Variants in FBXL5 observed in about 807,000 individuals in gnomAD.
FBXL5 encodes the protein F-box and leucine rich repeat protein 5, also known as F-box/LRR-repeat protein 5.
Under a neutral mutation model 78.3 loss-of-function variants are expected in FBXL5, and 26 were observed. That is an observed-to-expected ratio of 0.33 (90% CI 0.24 to 0.46). The LOEUF (loss-of-function observed/expected upper bound fraction) is 0.46, where lower values mean the gene tolerates loss of function less well. Among genes scored for constraint, FBXL5 ranks in the 20% least tolerant of loss-of-function variants. FBXL5 has a pLI of 1.00. For missense variants in FBXL5, 710 were observed against 829.2 expected, an observed-to-expected ratio of 0.86 and a Z score of 1.77; for synonymous variants, 295 against 282.5, an observed-to-expected ratio of 1.04 and a Z score of -0.45.
rs116030864 is a variant in FBXL5 at position 15,676,317 on chromosome 4, A to C, written c.-284+5066T>G. 3.7e-3 allele frequency among the ~76,000 whole-genome samples: 559 copies of C among 152,302 alleles called. 6 individuals carry two copies. Among genetic ancestry groups the C allele is most frequent in the African/African-American group, 0.013 (541 of 41,548 alleles). ...AATCAAGCATCTAAATTTTACCATT[A>C]GTTTACAGAAAATAAACATGATAGA... On this transcript the variant is annotated intron_variant, in intron 1 of 4. Coordinates refer to the FBXL5 transcript ENST00000507899.
intron 10 of FBXL5, among the ~76,000 whole-genome samples, chr4:15,606,377 A>C (rs1721887905): frequency 6.6e-6 from 1 of 152,148 alleles, no homozygotes; most frequent in Non-Finnish European, 1.5e-5. Context: ...ATAATGAGTG[A>C]TCAATTAAAC....
Position 15,625,685 on chromosome 4 carries a change from T to C in FBXL5, c.1417A>G (p.Asn473Asp), listed in dbSNP as rs1259936276. The change falls in exon 9 of 11, where the codon AAT becomes GAT. Residue 473 changes from asparagine to aspartate, a missense_variant. Asn to Asp is a conservative substitution (Grantham distance 23, BLOSUM62 1). This residue lies in a region of FBXL5 where 517 missense variants were observed against 542.9 expected (regional missense o/e 0.95). Transcript: ENST00000341285. ...HPWTKPVSSE[N>D]FTSPYVWMLD... ...ATCCACACATAAGGAGAAGTGAAAT[T>C]CTCAGAAGAAACAGGCTTAGTCCAG... 1.9e-6 allele frequency: 3 copies of C among 1,614,090 alleles called. No individual in the cohort carries two copies. In the Admixed American group the frequency reaches 5.0e-5, roughly 27 times the overall value.
intron 9 of FBXL5, among the ~76,000 whole-genome samples, chr4:15,624,657 A>AC (rs1015901359): frequency 3.9e-5 from 6 of 152,090 alleles, no homozygotes; most frequent in Non-Finnish European, 7.4e-5. Context: ...TTAAAAAAAA[A>AC]AACAGAAAAG....
intron 9 of FBXL5, among the ~76,000 whole-genome samples, chr4:15,617,737 T>G (rs1712054961): frequency 6.6e-6 from 1 of 152,100 alleles, no homozygotes; most frequent in Non-Finnish European, 1.5e-5. Context: ...TGTTCTCACT[T>G]ATAAGTGGCA....
At position 15,619,939 on chromosome 4, in the gene FBXL5, C is replaced by G. The variant is rs557822180; in HGVS notation, c.1850+5313G>C. On this transcript the variant is annotated intron_variant, in intron 9 of 10. Coordinates refer to ENST00000341285, the MANE Select transcript of FBXL5 (RefSeq NM_012161.4). The stretch of plus-strand genomic sequence containing the variant: ...ACATAAACTCAGCAGGCCAAGTACA[C>G]ATGCCAATAGTCCCAGCTACTAGGG... Among the ~76,000 whole-genome samples, 36 of 152,252 alleles carry G rather than the reference C, an allele frequency of 2.4e-4. No individual in the cohort carries two copies. The South Asian group carries it at 7.3e-3, about 31-fold the overall frequency.
intron 6 of FBXL5, among the ~76,000 whole-genome samples, chr4:15,630,254 TAAGAC>T (rs1713486013): frequency 6.6e-6 from 1 of 152,190 alleles, no homozygotes; most frequent in African/African-American, 2.4e-5. Flanking sequence ...AGGCAAGTAT[TAAGAC>T]TATCTACAAA....
chr4:15,636,592 T>C lies in FBXL5; in HGVS notation c.668A>G (p.Gln223Arg). 6.2e-7 allele frequency: 1 copy of C among 1,614,066 alleles called. No individual in the cohort carries two copies. The highest frequency in any genetic ancestry group is 8.5e-7 in the Non-Finnish European group (1 of 1,179,960). Residue 223 changes from glutamine (Q) to arginine (R), a missense_variant, in exon 5 of 11, where the codon CAA (glutamine) becomes CGA (arginine). Transcript: ENST00000341285. ...MLSIFSYLNP[Q>R]ELCRCSQVSM... ...TACTTGACTGCATCGACATAACTCT[T>C]GAGGATTAAGATAGCTGAAAATTGA...
chr4:15,680,999 T>C (rs2148843638), intron 1 of FBXL5, among the ~76,000 whole-genome samples: 1 of 150,790 alleles, frequency 6.6e-6, no homozygotes, highest in African/African-American at 2.4e-5. Flanking sequence ...CAAAAAAATT[T>C]GGTTTGTGAC....
upstream of FBXL5, among the ~76,000 whole-genome samples, chr4:15,660,231 C>T (rs1717241780): frequency 6.6e-6 from 1 of 152,120 alleles, no homozygotes; most frequent in South Asian, 2.1e-4. Flanking sequence ...GCCCGTGCCA[C>T]CACACCAGGC....
At chr4:15,620,164 T>C (rs1439714776) in intron 9 of FBXL5, among the ~76,000 whole-genome samples, 1 of 151,986 alleles carries the variant, frequency 6.6e-6, no homozygotes, top group African/African-American at 2.4e-5. Flanking sequence ...ATCTGAAAAA[T>C]AAATTTTAAA....
upstream of FBXL5, chr4:15,656,170 C>T (rs1394629297): frequency 1.1e-5 from 5 of 455,964 alleles, no homozygotes; most frequent in Admixed American, 2.3e-5. Flanking sequence ...CGGGAAAGAA[C>T]CTTGGTACAA....
At chr4:15,647,242 A>AG in intron 1 of FBXL5, among the ~76,000 whole-genome samples, 1 of 132,768 alleles carries the variant, frequency 7.5e-6, no homozygotes, top group African/African-American at 2.9e-5. Context: ...AAAAAAAAAA[A>AG]AGAAAGAAAA....
At chr4:15,679,346 C>T (rs183393706) in intron 1 of FBXL5, among the ~76,000 whole-genome samples, 3 of 151,996 alleles carry the variant, frequency 2.0e-5, no homozygotes, top group African/African-American at 7.2e-5. Flanking sequence ...GCCACCATGT[C>T]GGGCTAAAAT....
intron 5 of FBXL5, among the ~76,000 whole-genome samples, chr4:15,632,272 T>C (rs961374916): frequency 1.1e-4 from 16 of 152,204 alleles, no homozygotes; most frequent in African/African-American, 2.9e-4. Context: ...CATTGGTCTA[T>C]ATCTCTGTTT....
intron 5 of FBXL5, among the ~76,000 whole-genome samples, chr4:15,635,820 A>G (rs1560227588): frequency 6.6e-6 from 1 of 152,170 alleles, no homozygotes; most frequent in Middle Eastern, 3.4e-3. Context: ...GACAGAAAAA[A>G]TGTATGCTAT....
At position 15,666,993 on chromosome 4, in the gene FBXL5, TTATC is replaced by T. The variant is rs548093800; in HGVS notation, c.-283-7075_-283-7072del. Among the ~76,000 whole-genome samples the T allele has an allele frequency of 1.4e-3, 220 of 152,294 alleles. 3 individuals carry two copies. Among genetic ancestry groups the T allele is most frequent in the African/African-American group, 5.2e-3 (215 of 41,566 alleles). On this transcript the variant is annotated intron_variant, in intron 1 of 4. Coordinates refer to the FBXL5 transcript ENST00000507899. Reference sequence around the variant, plus strand: ...TCTCATAAATGTATACAATTATAAATTATCAATCAAAATAATCGTAATTTTAAAA... The same window carrying T: ...TCTCATAAATGTATACAATTATAAATAATCAAAATAATCGTAATTTTAAAA...
At chr4:15,655,924 C>A (rs904134578), upstream of FBXL5, among the ~76,000 whole-genome samples, 3 of 152,354 alleles carry the variant, frequency 2.0e-5, no homozygotes, top group East Asian at 5.8e-4. Context: ...GAGCTGCGGG[C>A]TCTGAGAGCT....
intron 2 of FBXL5, 130 bp from the exon 3 acceptor site, chr4:15,641,013 T>C (rs1714814095): frequency 2.0e-6 from 1 of 499,430 alleles, no homozygotes; most frequent in Admixed American, 4.2e-5. Context: ...AAGTGGTCTC[T>C]GTACTTTTAA....
chr4:15,644,943 A>G (rs549677359), intron 1 of FBXL5, among the ~76,000 whole-genome samples: 3 of 152,300 alleles, frequency 2.0e-5, no homozygotes, highest in Admixed American at 6.5e-5. Flanking sequence ...CAGAAAAATG[A>G]TATGTGCACA....
Sources: allele counts gnomAD v4.1 joint callset (sites outside exome capture counted in the v4.1 genomes callset), GRCh38; gene constraint gnomAD v4.1.1; regional missense constraint gnomAD v4.1.1; transcripts MANE v1.5; gene names NCBI Gene and HGNC (gene_info 2026-07-23, HGNC 2026-07-21).